The following NRG1 variants were observed in gnomAD, a reference collection of about 807,000 sequenced individuals.
The protein encoded by NRG1 is pro-neuregulin-1, membrane-bound isoform.
In NRG1, 18 loss-of-function variants were observed where a neutral mutation model predicts 63.8. That is an observed-to-expected ratio of 0.28 (90% CI 0.19 to 0.42). NRG1 has a LOEUF of 0.42. Among genes scored for constraint, NRG1 ranks in the 10% least tolerant of loss-of-function variants. NRG1 has a pLI of 1.00. For synonymous variants in NRG1, 302 were observed against 301.3 expected, an observed-to-expected ratio of 1.00 and a Z score of -0.02; for missense variants, 762 against 814.7, an observed-to-expected ratio of 0.94 and a Z score of 0.79.
chr8:31,669,947 T>C (rs1347560746), intron 1 of NRG1, among the ~76,000 whole-genome samples: 1 of 152,118 alleles, frequency 6.6e-6, no homozygotes, highest in Non-Finnish European at 1.5e-5. Context: ...TGGTGGAGTA[T>C]CTCAGGTTTC....
intron 1 of NRG1, among the ~76,000 whole-genome samples, chr8:31,787,020 GC>G (rs1471611911): frequency 2.0e-5 from 3 of 152,074 alleles, no homozygotes; most frequent in African/African-American, 4.8e-5. Flanking sequence ...CCAGTGACCA[GC>G]CCCCATCCTG....
intron 1 of NRG1, among the ~76,000 whole-genome samples, chr8:32,455,336 CT>C (rs1178526881): frequency 6.6e-6 from 1 of 152,132 alleles, no homozygotes; most frequent in Non-Finnish European, 1.5e-5. Context: ...CTAAACCATC[CT>C]TTTTATGCCT....
intron 7 of NRG1, chr8:32,749,254 A>G (rs1044201201): frequency 2.6e-6 from 1 of 380,032 alleles, no homozygotes; most frequent in Non-Finnish European, 4.7e-6. Context: ...TTCCATTCCC[A>G]CACAAGGAAA....
intron 7 of NRG1, chr8:32,743,009 C>A: frequency 8.1e-7 from 1 of 1,236,382 alleles, no homozygotes. Flanking sequence ...AATTGATAGT[C>A]AATATCAAGC....
intron 5 of NRG1, among the ~76,000 whole-genome samples, chr8:32,716,130 A>G (rs2128993087): frequency 6.6e-6 from 1 of 152,298 alleles, no homozygotes; most frequent in Middle Eastern, 3.4e-3. Context: ...TATGGGAGTC[A>G]CTGGATTCTG....
intron 1 of NRG1, among the ~76,000 whole-genome samples, chr8:31,871,102 G>A (rs1012786472): frequency 6.6e-6 from 1 of 150,800 alleles, no homozygotes; most frequent in Admixed American, 6.6e-5. Flanking sequence ...TCAGCCTCCC[G>A]AGTAGCTGGG....
intron 1 of NRG1, among the ~76,000 whole-genome samples, chr8:31,993,246 C>A (rs929753203): frequency 6.6e-6 from 1 of 151,876 alleles, no homozygotes; most frequent in Non-Finnish European, 1.5e-5. Flanking sequence ...GCTCTGGGGC[C>A]AGAACAGCAG....
At chr8:32,558,045 C>A (rs1835526250) in intron 1 of NRG1, among the ~76,000 whole-genome samples, 1 of 152,074 alleles carries the variant, frequency 6.6e-6, no homozygotes, top group Non-Finnish European at 1.5e-5. Flanking sequence ...CATTTATGCC[C>A]CATCCAAAAG....
chr8:32,461,793 A>G (rs575856079), intron 1 of NRG1, among the ~76,000 whole-genome samples: 1 of 152,304 alleles, frequency 6.6e-6, no homozygotes. Flanking sequence ...CCACTTAATA[A>G]TCTAACCAAC....
chr8:32,031,225 G>C (rs1199811632), intron 1 of NRG1, among the ~76,000 whole-genome samples: 2 of 152,128 alleles, frequency 1.3e-5, no homozygotes, highest in African/African-American at 4.8e-5. Flanking sequence ...TGTCTCCATG[G>C]GCAGCAGCCT....
chr8:32,273,723 A>G (rs1383521147), intron 1 of NRG1, among the ~76,000 whole-genome samples: 2 of 152,178 alleles, frequency 1.3e-5, no homozygotes, highest in African/African-American at 2.4e-5. Flanking sequence ...GAATCATGAG[A>G]GCATTTCTTT....
intron 1 of NRG1, among the ~76,000 whole-genome samples, chr8:32,141,592 G>GTATA (rs59251868): frequency 0.09 from 6,397 of 71,430 alleles, 599 homozygotes; most frequent in Non-Finnish European, 0.12. Context: ...ATGTGTGTGG[G>GTATA]TATATATATA....
chr8:31,730,395 C>G (rs920873058), intron 1 of NRG1, among the ~76,000 whole-genome samples: 1 of 152,134 alleles, frequency 6.6e-6, no homozygotes, highest in Admixed American at 6.6e-5. Context: ...TACTCACTCT[C>G]TTTTCTCTCT....
At position 32,419,001 on chromosome 8, in the gene NRG1, A is replaced by G. The variant is rs531529901; in HGVS notation, c.38-176827A>G. Reference sequence around the variant, plus strand: ...TAATCATACTTCTTGTTTTCCTGAAACTGAGTTGGAAATCATCATGGAAAA... The same window carrying G: ...TAATCATACTTCTTGTTTTCCTGAAGCTGAGTTGGAAATCATCATGGAAAA... On this transcript the variant is annotated intron_variant, in intron 1 of 10. Transcript: ENST00000519301. Among the ~76,000 whole-genome samples the G allele has an allele frequency of 2.1e-4, 32 of 152,308 alleles. 1 individual carries two copies. Among genetic ancestry groups the G allele is most frequent in the African/African-American group, 7.2e-4 (30 of 41,570 alleles).
intron 1 of NRG1, among the ~76,000 whole-genome samples, chr8:32,424,881 C>CAACA (rs1017850505): frequency 6.6e-6 from 1 of 151,856 alleles, no homozygotes; most frequent in Non-Finnish European, 1.5e-5. Context: ...ACAAAACAAA[C>CAACA]AACAAACAAA....
intron 1 of NRG1, among the ~76,000 whole-genome samples, chr8:32,508,330 G>T (rs893114048): frequency 6.6e-6 from 1 of 150,858 alleles, no homozygotes; most frequent in Non-Finnish European, 1.5e-5. Context: ...TCACACTGTC[G>T]CCCGGGCTGG....
chr8:31,967,496 G>A (rs1806549325), intron 1 of NRG1, among the ~76,000 whole-genome samples: 2 of 152,156 alleles, frequency 1.3e-5, no homozygotes, highest in South Asian at 4.1e-4. Flanking sequence ...GGTCAGGGCT[G>A]AAAGCAAGGC....
At chr8:31,995,323 G>A (rs998567772) in intron 1 of NRG1, among the ~76,000 whole-genome samples, 7 of 151,876 alleles carry the variant, frequency 4.6e-5, no homozygotes, top group African/African-American at 1.7e-4. Context: ...TTATTGTAAG[G>A]AATTTTGCTG....
intron 1 of NRG1, among the ~76,000 whole-genome samples, chr8:32,231,955 G>A (rs1396406364): frequency 1.3e-5 from 2 of 151,778 alleles, no homozygotes; most frequent in Non-Finnish European, 2.9e-5. Flanking sequence ...CCAGACTGGA[G>A]TGCAGTGGCA....
Sources: allele counts gnomAD v4.1 joint callset (sites outside exome capture counted in the v4.1 genomes callset), GRCh38; gene constraint gnomAD v4.1.1; transcripts MANE v1.5; gene names NCBI Gene and HGNC (gene_info 2026-07-23, HGNC 2026-07-21).